CCDC187: variants seen among roughly 807,000 people sequenced by gnomAD.
The protein encoded by CCDC187 is coiled-coil domain containing 187, also known as coiled-coil domain-containing protein 187.
In CCDC187, 32 loss-of-function variants were observed where a neutral mutation model predicts 38.0. The ratio of observed to expected loss-of-function variants is 0.84; its 90% CI spans 0.64 to 1.13. CCDC187 has a LOEUF of 1.13. CCDC187 is among the 50% of genes most tolerant of loss of function. The pLI is 0.00. For synonymous variants in CCDC187, 333 were observed against 347.9 expected, an observed-to-expected ratio of 0.96 and a Z score of 0.48; for missense variants, 707 against 786.8, an observed-to-expected ratio of 0.90 and a Z score of 1.21.
rs1459221288 is a variant in CCDC187, at chr9:136,254,209, C to T, written c.5619G>A (p.Val1873=). 2.0e-6 allele frequency: 2 copies of T among 985,394 alleles called. No homozygotes were observed. The highest frequency in any genetic ancestry group is 1.2e-4 in the Admixed American group (2 of 16,266). The allele number at this position is 985,394 out of a possible 1,614,324, so 61.0% of individuals were successfully genotyped here. The change falls in exon 26 of 26, where the codon GTG becomes GTA. Residue 1873 remains valine, a synonymous_variant. Transcript: ENST00000638797. ...CGGCAGAAGAGATTTGCAGCGGGAA[C>T]ACCACACCGGCGGCCTCAGGGGGTG... is the stretch of plus-strand genomic sequence containing the variant. ...LQAPPEAAGV[V]FPLQISSAGD...
chr9:136,257,376 TATAATAATA>T lies in CCDC187; in HGVS notation c.4367-544_4367-536del, dbSNP rs66462838. Among the ~76,000 whole-genome samples, 6,979 of 147,024 alleles carry T rather than the reference TATAATAATA, an allele frequency of 0.047. 179 individuals are homozygous for T. Among genetic ancestry groups the T allele is most frequent in the Middle Eastern group, 0.093 (26 of 280 alleles). Reference sequence around the variant, plus strand: ...AGAGAGTGAGACTTTGTCTCAAAATTATAATAATAATAATAATAATAATAATAATAATTT... The same window carrying T: ...AGAGAGTGAGACTTTGTCTCAAAATTATAATAATAATAATAATAATAATTT... On this transcript the variant is annotated intron_variant, in intron 22 of 25. Coordinates refer to ENST00000638797, the MANE Select transcript of CCDC187 (RefSeq NM_001378188.1). This position sits in a 1 kb window ranked among gnomAD's most constrained non-coding sequence, Gnocchi z 4.5.
chr9:136,260,082 C>G (rs997168763), intron 20 of CCDC187, 37 bp downstream of exon 20: 1 of 985,332 alleles, frequency 1.0e-6, no homozygotes, highest in Non-Finnish European at 1.2e-6. Flanking sequence ...AATGAGCATC[C>G]GTCTGACCCT....
At chr9:136,261,228 C>A (rs1196847471) in intron 19 of CCDC187, among the ~76,000 whole-genome samples, 2 of 152,154 alleles carry the variant, frequency 1.3e-5, no homozygotes, top group African/African-American at 2.4e-5. Context: ...TCTCGAACGG[C>A]CCAATGAAGG....
At position 136,291,334 on chromosome 9, in the gene CCDC187, G is replaced by C. The variant is rs1464883589; in HGVS notation, c.1279C>G (p.Pro427Ala). The change falls in exon 6 of 26, where the codon CCC becomes GCC. Residue 427 changes from proline (P) to alanine (A), a missense_variant. By Grantham distance (27) the Pro-to-Ala change is conservative. Transcript: ENST00000638797. ...PNAQSSFSKS[P>A]WAMTERKHSS... ...TGCTTCCTCTCTGTCATGGCCCAGG[G>C]ACTCTTAGAGAAGGAGCTCTGGGCA... 3 of 398,684 alleles carry C rather than the reference G, an allele frequency of 7.5e-6. No homozygotes were observed. The highest frequency in any genetic ancestry group is 6.2e-5 in the African/African-American group (3 of 48,646). The allele number at this position is 398,684 out of a possible 1,614,324, so 24.7% of individuals were successfully genotyped here. A position where few individuals can be genotyped will look rare whatever the true frequency, so the allele number is the denominator to read the frequency against.
In CCDC187 at chr9:136,258,096, G is replaced by T. The variant is rs992422713; in HGVS notation, c.4366+836C>A. ...AGGCTGAGCAAGCTTCACGGTGGCC[G>T]CAGAAGCCTGAACAGCGCAGGCCCG... On this transcript the variant is annotated intron_variant, in intron 22 of 25. Transcript: ENST00000638797. The surrounding 1 kb of genome is among the most constrained non-coding windows in gnomAD (Gnocchi z 4.3). Among the ~76,000 whole-genome samples, 3 of 152,180 alleles carry T rather than the reference G, an allele frequency of 2.0e-5. No homozygotes were observed. Among genetic ancestry groups the T allele is most frequent in the African/African-American group, 7.2e-5 (3 of 41,430 alleles).
intron 16 of CCDC187, 104 bp downstream of exon 16, chr9:136,267,280 C>A (rs776821112): frequency 2.2e-4 from 169 of 783,732 alleles, no homozygotes; most frequent in Admixed American, 1.1e-3. Context: ...GGGCCACGGG[C>A]GGGACCCGGA....
At chr9:136,275,680 G>A (rs924704734) in intron 12 of CCDC187, among the ~76,000 whole-genome samples, 4 of 152,296 alleles carry the variant, frequency 2.6e-5, no homozygotes, top group Admixed American at 6.5e-5. Flanking sequence ...ACCGCTCCTC[G>A]GACTGGGTGA....
At chr9:136,284,649 C>T (rs1184821149) in intron 9 of CCDC187, among the ~76,000 whole-genome samples, 3 of 151,872 alleles carry the variant, frequency 2.0e-5, no homozygotes, top group African/African-American at 7.3e-5. Flanking sequence ...GACAGGGATC[C>T]CGGCCCACAC....
intron 5 of CCDC187, among the ~76,000 whole-genome samples, chr9:136,291,869 G>A (rs962436640): frequency 1.8e-4 from 28 of 152,322 alleles, no homozygotes; most frequent in African/African-American, 9.6e-5. Flanking sequence ...AGCCCCTGCC[G>A]GCTCCCATCC....
intron 15 of CCDC187, 162 bp downstream of exon 15, chr9:136,267,887 T>C (rs1237088664): frequency 3.0e-6 from 3 of 985,330 alleles, no homozygotes; most frequent in East Asian, 1.1e-4. Context: ...CTTGGGTAGC[T>C]GTCAGCTGGA....
chr9:136,301,464 G>A (rs1374380137), intron 2 of CCDC187, among the ~76,000 whole-genome samples: 1 of 152,170 alleles, frequency 6.6e-6, no homozygotes, highest in African/African-American at 2.4e-5. Context: ...GCTTCAGTTT[G>A]GGAAGATGAA....
chr9:136,294,031 CACA>C (rs1831465452), intron 4 of CCDC187, among the ~76,000 whole-genome samples: 1 of 151,618 alleles, frequency 6.6e-6, no homozygotes, highest in African/African-American at 2.4e-5. Context: ...CTCTCACACA[CACA>C]CTCATATACA....
At chr9:136,285,726 A>G (rs1197128348) in intron 8 of CCDC187, 120 bp from the exon 9 acceptor site, 5 of 397,294 alleles carry the variant, frequency 1.3e-5, no homozygotes, top group African/African-American at 1.0e-4. Context: ...GGGGTGTGGC[A>G]GCCTCCCTGG....
rs1830584813 is a variant in CCDC187, at chr9:136,254,225, T to C, written c.5603A>G (p.Glu1868Gly). 3 of 985,372 alleles carry C rather than the reference T, an allele frequency of 3.0e-6. No individual in the cohort carries two copies. Among genetic ancestry groups the C allele is most frequent in the Non-Finnish European group, 3.6e-6 (3 of 829,970 alleles). 61.0% of individuals were successfully genotyped at this position (985,372 alleles called of 1,614,324 possible). A position where few individuals can be genotyped will look rare whatever the true frequency, so the allele number is the denominator to read the frequency against. Residue 1868 changes from glutamate (E) to glycine (G), a missense_variant, in exon 26 of 26, where the codon GAG becomes GGG. Coordinates refer to ENST00000638797, the MANE Select transcript of CCDC187 (RefSeq NM_001378188.1). ...DTGEALQAPP[E>G]AAGVVFPLQI... ...CAGCGGGAACACCACACCGGCGGCC[T>C]CAGGGGGTGCCTGGAGGGCTTCTCC...
chr9:136,255,222 C>T, intron 25 of CCDC187, 88 bp from the exon 26 acceptor site: 2 of 614,614 alleles, frequency 3.3e-6, no homozygotes, highest in Non-Finnish European at 4.1e-6. Flanking sequence ...GAGGTCAGAA[C>T]AGAGAAACAC....
chr9:136,260,026 C>T, intron 20 of CCDC187, 93 bp downstream of exon 20: 1 of 955,540 alleles, frequency 1.0e-6, no homozygotes, highest in South Asian at 4.8e-5. Context: ...CACAGGCCTA[C>T]CTGACCCTGG....
At chr9:136,291,699 C>G in intron 5 of CCDC187, 54 bp from the exon 6 acceptor site, 1 of 398,644 alleles carries the variant, frequency 2.5e-6, no homozygotes. Context: ...GAGAGCAAAG[C>G]CAGCTCCTCC....
In CCDC187 at chr9:136,286,331, G is replaced by T. The variant is rs976014265; in HGVS notation, c.2587C>A (p.Arg863Ser). 5.0e-6 allele frequency: 2 copies of T among 398,604 alleles called. No individual in the cohort carries two copies. The highest frequency in any genetic ancestry group is 7.1e-5 in the East Asian group (2 of 28,076). 24.7% of individuals were successfully genotyped at this position (398,604 alleles called of 1,614,324 possible). The change falls in exon 8 of 26, where the codon CGC (arginine) becomes AGC (serine). Residue 863 changes from arginine (R) to serine (S), a missense_variant. Arg to Ser is a moderately radical substitution (Grantham distance 110). Coordinates refer to ENST00000638797, the MANE Select transcript of CCDC187 (RefSeq NM_001378188.1). Reference protein sequence around the residue: ...TVRDPAVGLLRSCPHSLPAAP... With the variant: ...TVRDPAVGLLSSCPHSLPAAP... ...GCAGGTAGGCTGTGGGGGCACGAGC[G>T]CAGCAGGCCCACAGCTGGGTCCCTG... is the stretch of plus-strand genomic sequence containing the variant.
At chr9:136,255,995 G>A (rs1830607272) in intron 24 of CCDC187, among the ~76,000 whole-genome samples, 1 of 152,192 alleles carries the variant, frequency 6.6e-6, no homozygotes, top group South Asian at 2.1e-4. Flanking sequence ...GTTCGAAGCC[G>A]CTCTGCTGAC....
Sources: gnomAD v4.1 joint callset for allele counts (sites outside exome capture counted in the v4.1 genomes callset) on GRCh38, gnomAD v4.1.1 for gene constraint, Gnocchi (gnomAD v3.1) non-coding constraint, MANE v1.5 for transcripts, NCBI Gene and HGNC (gene_info 2026-07-23, HGNC 2026-07-21) for gene names.